MYOM1: variants seen among roughly 807,000 people sequenced by gnomAD.
MYOM1 encodes myomesin-1.
A neutral mutation model predicts 205.3 loss-of-function variants in MYOM1; 164 were observed. The ratio of observed to expected loss-of-function variants is 0.80; its 90% CI spans 0.70 to 0.91. MYOM1 has a LOEUF of 0.91. Ranked by LOEUF, MYOM1 falls within the 40% of genes least tolerant of loss-of-function variation. The pLI is 0.00. For missense variants in MYOM1, 2,011 were observed against 2,127.3 expected (o/e 0.95, Z 1.08); for synonymous variants, 772 against 789.4 (o/e 0.98, Z 0.37).
At chr18:3,171,936 T>C (rs1198876360) in intron 8 of MYOM1, among the ~76,000 whole-genome samples, 1 of 152,180 alleles carries the variant, frequency 6.6e-6, no homozygotes, top group Non-Finnish European at 1.5e-5. Context: ...TTGTTTGAAA[T>C]AATGGTTTAG....
chr18:3,206,842 C>T (rs182566349), intron 2 of MYOM1, among the ~76,000 whole-genome samples: 12 of 152,180 alleles, frequency 7.9e-5, no homozygotes, highest in East Asian at 5.8e-4. Flanking sequence ...TTAGTTAGAT[C>T]GACATGATCC....
At position 3,126,775 on chromosome 18, in the gene MYOM1, G is replaced by A. The variant is rs751505178; in HGVS notation, c.2917C>T (p.Arg973Cys). ...CCTGGTACCCCATCAATGACCTCGC[G>A]ATAGTTCACATAATAGCCAGTAATT... ...AEITGYYVNY[R>C]EVIDGVPGKW... The change falls in exon 19 of 38, where the codon CGC (arginine) becomes TGC (cysteine). Residue 973 changes from arginine to cysteine, a missense_variant. Transcript: ENST00000356443. 1.1e-5 allele frequency: 17 copies of A among 1,613,832 alleles called. No individual in the cohort carries two copies. The South Asian group carries it at 1.1e-4, about 10-fold the overall frequency.
chr18:3,151,974 G>T, intron 11 of MYOM1, 81 bp from the exon 12 acceptor site: 1 of 1,403,602 alleles, frequency 7.1e-7, no homozygotes, highest in Non-Finnish European at 9.7e-7. Flanking sequence ...GAATCACCCA[G>T]TTGTTTCAGA....
At chr18:3,076,074 T>C (rs1471970613) in intron 34 of MYOM1, among the ~76,000 whole-genome samples, 1 of 152,210 alleles carries the variant, frequency 6.6e-6, no homozygotes, top group African/African-American at 2.4e-5. Context: ...TCTGTTTCTT[T>C]TCTTTTTTTG....
chr18:3,142,919 G>A (rs776724491), intron 13 of MYOM1, among the ~76,000 whole-genome samples: 8 of 152,060 alleles, frequency 5.3e-5, no homozygotes, highest in Admixed American at 4.6e-4. Context: ...GGAGGAGACT[G>A]GAAATACATA....
chr18:3,225,503 G>C, the MYOM1 span, among the ~76,000 whole-genome samples: 4 of 152,246 alleles, frequency 2.6e-5, no homozygotes, highest in South Asian at 4.2e-4. Flanking sequence ...CCAAAGGAGG[G>C]GGGTAGCAAG....
At chr18:3,092,935 T>A (rs1443513762) in intron 26 of MYOM1, among the ~76,000 whole-genome samples, 1 of 152,222 alleles carries the variant, frequency 6.6e-6, no homozygotes, top group Non-Finnish European at 1.5e-5. Context: ...CACATATGCA[T>A]GAATGTTCAC....
At chr18:3,139,960 T>G (rs1008641213) in intron 14 of MYOM1, among the ~76,000 whole-genome samples, 13 of 152,166 alleles carry the variant, frequency 8.5e-5, no homozygotes, top group African/African-American at 2.9e-4. Context: ...GTGCCCTTAT[T>G]ATAGGAAAGA....
intron 9 of MYOM1, among the ~76,000 whole-genome samples, chr18:3,167,236 C>T (rs1246737509): frequency 1.3e-5 from 2 of 152,160 alleles, no homozygotes; most frequent in Admixed American, 1.3e-4. Context: ...CTGGAGGTCT[C>T]CCGTGGCAAG....
Position 3,170,376 on chromosome 18 carries a change from G to A in MYOM1, c.1175-1395C>T, listed in dbSNP as rs78049552. Among the ~76,000 whole-genome samples, 987 of 151,950 alleles carry A rather than the reference G, an allele frequency of 6.5e-3. 24 individuals carry two copies. Among genetic ancestry groups the A allele is most frequent in the Admixed American group, 0.049 (746 of 15,248 alleles). On this transcript the variant is annotated intron_variant, in intron 8 of 37. Transcript: ENST00000356443. ...CATTGTATGCTTGTATCTAAATATC[G>A]CATGTACCCCATCAATATGTACAAC...
intron 18 of MYOM1, among the ~76,000 whole-genome samples, chr18:3,127,282 C>CATATATATATATATATATAT (rs1241920775): frequency 4.2e-4 from 25 of 59,484 alleles, no homozygotes; most frequent in East Asian, 1.7e-3. Context: ...TCAGAATTTC[C>CATATATATATATATATATAT]ATATATATAT....
At chr18:3,127,301 ATATATTTTTT>A (rs1323849158) in intron 18 of MYOM1, among the ~76,000 whole-genome samples, 31 of 47,904 alleles carry the variant, frequency 6.5e-4, no homozygotes, top group African/African-American at 2.5e-3. Context: ...ATATATATAT[ATATATTTTTT>A]TTTTTTTTTT....
intron 22 of MYOM1, among the ~76,000 whole-genome samples, chr18:3,109,973 G>A (rs2079502659): frequency 6.6e-6 from 1 of 151,972 alleles, no homozygotes; most frequent in East Asian, 1.9e-4. Flanking sequence ...GGGTTCAAGT[G>A]TGGCTCAGGA....
At chr18:3,207,472 A>T (rs1371782159) in intron 2 of MYOM1, among the ~76,000 whole-genome samples, 3 of 152,220 alleles carry the variant, frequency 2.0e-5, no homozygotes, top group African/African-American at 7.2e-5. Context: ...GGTCTTATTA[A>T]CTTATTTATA....
At chr18:3,206,477 G>A (rs750594771) in intron 2 of MYOM1, among the ~76,000 whole-genome samples, 9 of 152,090 alleles carry the variant, frequency 5.9e-5, no homozygotes, top group Non-Finnish European at 1.3e-4. Flanking sequence ...CTCATCTTTA[G>A]GACCCTGTGC....
At chr18:3,187,934 G>T (rs543168038) in intron 4 of MYOM1, among the ~76,000 whole-genome samples, 1 of 146,628 alleles carries the variant, frequency 6.8e-6, no homozygotes, top group South Asian at 2.1e-4. Flanking sequence ...TGCCTCCCAG[G>T]TTCATGCGAT....
At position 3,189,917 on chromosome 18, in the gene MYOM1, T is replaced by G. The variant is rs961508086; in HGVS notation, c.432-830A>C. 1.3e-5 allele frequency among the ~76,000 whole-genome samples: 2 copies of G among 152,204 alleles called. No homozygotes were observed. Among genetic ancestry groups the G allele is most frequent in the African/African-American group, 4.8e-5 (2 of 41,458 alleles). ...GATGTAATGCATTGCCTGGAGTTGTTACAGGTATGAATAAGTTCTGAATTT... is the reference window on the plus strand; with the variant it reads ...GATGTAATGCATTGCCTGGAGTTGTGACAGGTATGAATAAGTTCTGAATTT... On this transcript the variant is annotated intron_variant, in intron 3 of 37. Transcript: ENST00000356443. The surrounding 1 kb of genome is among the most constrained non-coding windows in gnomAD (Gnocchi z 4.8).
At chr18:3,078,973 C>T (rs1598649853) in intron 34 of MYOM1, among the ~76,000 whole-genome samples, 8 of 105,892 alleles carry the variant, frequency 7.6e-5, no homozygotes, top group Admixed American at 1.1e-4. Flanking sequence ...TACCCAGCTA[C>T]TTTTTTTTTT....
chr18:3,245,247 A>C, the MYOM1 span, among the ~76,000 whole-genome samples: 1 of 152,268 alleles, frequency 6.6e-6, no homozygotes, highest in Non-Finnish European at 1.5e-5. Context: ...TAGTGAAATA[A>C]ATTTCTTACT....
Sources: gnomAD v4.1 joint callset for allele counts (sites outside exome capture counted in the v4.1 genomes callset) on GRCh38, gnomAD v4.1.1 for gene constraint, Gnocchi (gnomAD v3.1) non-coding constraint, MANE v1.5 for transcripts, NCBI Gene and HGNC (gene_info 2026-07-23, HGNC 2026-07-21) for gene names.